C11orf54: variants seen among roughly 807,000 people sequenced by gnomAD.
The protein encoded by C11orf54 is beta-keto-L-gulonate decarboxylase, also known as beta-keto L-gulonate decarboxylase.
Under a neutral mutation model 35.5 loss-of-function variants are expected in C11orf54, and 29 were observed. The observed-to-expected ratio is 0.82, with a 90% CI of 0.61 to 1.11. The LOEUF is 1.11. C11orf54 is among the 50% of genes most tolerant of loss of function. The pLI, the probability that C11orf54 is intolerant of heterozygous loss-of-function variation, is 0.00. For synonymous variants in C11orf54, 108 were observed against 121.1 expected (o/e 0.89, Z 0.71); for missense variants, 373 against 369.2 (o/e 1.01, Z -0.08).
chr11:93,749,143 CAAA>C (rs879164036), intron 2 of C11orf54, among the ~76,000 whole-genome samples: 12 of 54,158 alleles, frequency 2.2e-4, no homozygotes, highest in Admixed American at 4.3e-4. Flanking sequence ...GACTCCATCT[CAAA>C]AAAAAAAAAA....
rs377564966 is a variant in C11orf54, at chr11:93,750,386, G to A, written c.96G>A (p.Gln32=). ...KGLKDNFADV[Q]VSVVDCPDLT... is the part of the protein sequence containing the mutation. ...TAAAAGATAACTTTGCTGATGTCCA[G>A]GTCTCTGTAGTTGATTGCCCTGATT... The change falls in exon 3 of 9, where the codon CAG becomes CAA. Residue 32 remains glutamine, a synonymous_variant. Transcript: ENST00000354421. 2.5e-6 allele frequency: 4 copies of A among 1,613,682 alleles called. No homozygotes were observed. The highest frequency in any genetic ancestry group is 3.3e-5 in the Admixed American group (2 of 59,996).
intron 3 of C11orf54, among the ~76,000 whole-genome samples, chr11:93,751,820 C>CTTTTTTTTTTTTTTTTTTTTT (rs35146074): frequency 3.7e-5 from 3 of 80,232 alleles, no homozygotes; most frequent in Non-Finnish European, 7.1e-5. Context: ...AATGGTTAAT[C>CTTTTTTTTTTTTTTTTTTTTT]TTTTTTTTTT....
In C11orf54 at chr11:93,755,002, G is replaced by A; in HGVS notation, c.331-208G>A. ...TCCGCCCCCCTTGGCCTCCCAAAGT[G>A]CTGGGATTACAGGCATGAGCCACAG... On this transcript the variant is annotated intron_variant, in intron 5 of 8. Coordinates refer to ENST00000354421, the MANE Select transcript of C11orf54 (RefSeq NM_001286069.2). 7.0e-6 allele frequency: 3 copies of A among 430,732 alleles called. No individual in the cohort carries two copies. In the South Asian group the frequency reaches 8.1e-5, roughly 12 times the overall value. 26.7% of individuals were successfully genotyped at this position (430,732 alleles called of 1,614,324 possible).
chr11:93,755,157 T>C, intron 5 of C11orf54, 53 bp from the exon 6 acceptor site: 1 of 1,529,750 alleles, frequency 6.5e-7, no homozygotes, highest in South Asian at 1.1e-5. Flanking sequence ...TTATTCAAGA[T>C]ATTCTCTTTG....
intron 3 of C11orf54, among the ~76,000 whole-genome samples, chr11:93,750,812 G>C (rs1942773838): frequency 6.6e-6 from 1 of 152,168 alleles, no homozygotes; most frequent in Non-Finnish European, 1.5e-5. Flanking sequence ...TAAAAGCCTT[G>C]TATTTGAATG....
intron 8 of C11orf54, 108 bp downstream of exon 8, chr11:93,759,966 G>T (rs377240951): frequency 4.3e-6 from 3 of 698,256 alleles, no homozygotes; most frequent in Non-Finnish European, 6.9e-6. Context: ...GTTGTTTTGA[G>T]ACAGAGTTTC....
Position 93,747,339 on chromosome 11 carries a change from T to C in C11orf54, c.-55T>C. 1 of 1,399,964 alleles carries C rather than the reference T, an allele frequency of 7.1e-7. No individual in the cohort carries two copies. Among genetic ancestry groups the C allele is most frequent in the South Asian group, 1.3e-5 (1 of 77,258 alleles). 86.7% of individuals were successfully genotyped at this position (1,399,964 alleles called of 1,614,324 possible). ...CTTGGTGCGCTGTGGACTCTTGTGA[T>C]AATTAACCAAGAGTAGCTCTATTTG... is the stretch of plus-strand genomic sequence containing the variant. On this transcript the variant is annotated 5_prime_UTR_variant, in exon 2 of 9. Transcript: ENST00000354421.
intron 2 of C11orf54, among the ~76,000 whole-genome samples, chr11:93,749,017 G>T (rs558168762): frequency 1.3e-5 from 2 of 151,702 alleles, no homozygotes; most frequent in African/African-American, 4.8e-5. Context: ...GGTGGCGGGC[G>T]CCTGTAACCC....
At chr11:93,754,728 C>CTTTTTTTTTTTTTTTTTTTTT (rs71064780) in intron 5 of C11orf54, 1 of 92,052 alleles carries the variant, frequency 1.1e-5, no homozygotes. Context: ...CAATAAATAT[C>CTTTTTTTTTTTTTTTTTTTTT]TTTTTTTTTT....
chr11:93,760,123 A>T (rs77740618), intron 8 of C11orf54, among the ~76,000 whole-genome samples: 4 of 151,950 alleles, frequency 2.6e-5, no homozygotes, highest in African/African-American at 9.7e-5. Flanking sequence ...ATTTTTGTAT[A>T]TTTAGTAGAC....
chr11:93,761,378 C>T, intron 8 of C11orf54, 137 bp from the exon 9 acceptor site: 3 of 726,258 alleles, frequency 4.1e-6, no homozygotes, highest in Non-Finnish European at 6.4e-6. Context: ...CATCGTTTTG[C>T]CCCCTTTGAA....
chr11:93,759,858 A>G lies in C11orf54; in HGVS notation c.774A>G (p.Pro258=), dbSNP rs753475113. 5 of 1,550,184 alleles carry G rather than the reference A, an allele frequency of 3.2e-6. No homozygotes were observed. In the South Asian group the frequency reaches 5.7e-5, roughly 18 times the overall value. The change falls in exon 8 of 9, where the codon CCA becomes CCG. Residue 258 remains proline (P), a splice_region_variant and synonymous_variant. Coordinates refer to ENST00000354421, the MANE Select transcript of C11orf54 (RefSeq NM_001286069.2). Reference sequence around the variant, plus strand: ...TACCAGTTTTTGTCTCCAGAGACCCAGTAAGTCTGTGTCTGTTTTTTATAT... The same window carrying G: ...TACCAGTTTTTGTCTCCAGAGACCCGGTAAGTCTGTGTCTGTTTTTTATAT... ...VCLPVFVSRD[P]GFDLRLEHTH... is the part of the protein sequence containing the mutation.
chr11:93,752,578 T>A (rs1942895808), intron 3 of C11orf54, among the ~76,000 whole-genome samples: 1 of 152,132 alleles, frequency 6.6e-6, no homozygotes, highest in Non-Finnish European at 1.5e-5. Flanking sequence ...TCCTGGTTCC[T>A]TTTTCTTTCT....
At chr11:93,748,447 C>G (rs906566780) in intron 2 of C11orf54, among the ~76,000 whole-genome samples, 5 of 152,118 alleles carry the variant, frequency 3.3e-5, no homozygotes, top group Non-Finnish European at 5.9e-5. Context: ...CATGCTTGGC[C>G]AGATTTTTTC....
At chr11:93,744,748 G>T (rs1365461280) in intron 1 of C11orf54, among the ~76,000 whole-genome samples, 1 of 152,260 alleles carries the variant, frequency 6.6e-6, no homozygotes, top group East Asian at 1.9e-4. Flanking sequence ...CAAGTGGGAA[G>T]AGAGACTGAG....
intron 8 of C11orf54, among the ~76,000 whole-genome samples, chr11:93,760,523 A>C (rs577575883): frequency 6.0e-4 from 83 of 137,774 alleles, no homozygotes; most frequent in African/African-American, 2.0e-3. Flanking sequence ...CAAAAAAAAC[A>C]ATTAGTAGAG....
At chr11:93,751,015 C>T (rs1177777994) in intron 3 of C11orf54, among the ~76,000 whole-genome samples, 1 of 152,096 alleles carries the variant, frequency 6.6e-6, no homozygotes, top group Non-Finnish European at 1.5e-5. Context: ...AAACTGAAAA[C>T]GAGAGAGGCT....
chr11:93,760,513 C>CA (rs34700840), intron 8 of C11orf54, among the ~76,000 whole-genome samples: 83,838 of 151,300 alleles, frequency 0.55, 24,608 homozygotes, highest in Admixed American at 0.69. Flanking sequence ...ATCCCCATCT[C>CA]AAAAAAAACA....
At chr11:93,753,884 C>T in intron 4 of C11orf54, 52 bp from the exon 5 acceptor site, 2 of 1,573,066 alleles carry the variant, frequency 1.3e-6, no homozygotes. Context: ...AAAGGTAAAC[C>T]AGGGACTTTG....
Sources: gnomAD v4.1 joint callset for allele counts (sites outside exome capture counted in the v4.1 genomes callset) on GRCh38, gnomAD v4.1.1 for gene constraint, MANE v1.5 for transcripts, NCBI Gene and HGNC (gene_info 2026-07-23, HGNC 2026-07-21) for gene names.